The following NRG3 variants were observed in gnomAD, a reference collection of about 807,000 sequenced individuals.
NRG3 encodes pro-neuregulin-3, membrane-bound isoform.
A neutral mutation model predicts 66.9 loss-of-function variants in NRG3; 31 were observed. That is an observed-to-expected ratio of 0.46 (90% CI 0.35 to 0.63). The LOEUF is 0.63. Ranked by LOEUF, NRG3 falls within the 20% of genes least tolerant of loss-of-function variation. The probability of loss-of-function intolerance (pLI) is 0.00; values close to 1 mark genes in which losing one functional copy is unlikely to be tolerated. For missense variants in NRG3, 910 were observed against 878.9 expected, an observed-to-expected ratio of 1.04 and a Z score of -0.45; for synonymous variants, 393 against 359.4, an observed-to-expected ratio of 1.09 and a Z score of -1.06.
At chr10:82,953,416 C>G (rs1475806584) in intron 5 of NRG3, among the ~76,000 whole-genome samples, 3 of 151,996 alleles carry the variant, frequency 2.0e-5, no homozygotes, top group Non-Finnish European at 4.4e-5. Flanking sequence ...AGTCCTTCTG[C>G]TAGATGGTGG....
intron 8 of NRG3, 30 bp downstream of exon 8, chr10:82,979,150 G>A: frequency 1.2e-6 from 2 of 1,608,980 alleles, no homozygotes; most frequent in Non-Finnish European, 1.7e-6. Context: ...TGGAATTTAG[G>A]GAGGGTGTCT....
At chr10:82,339,223 C>T (rs1363500467) in intron 1 of NRG3, among the ~76,000 whole-genome samples, 2 of 152,110 alleles carry the variant, frequency 1.3e-5, no homozygotes, top group Non-Finnish European at 2.9e-5. Context: ...GGGGTTAATG[C>T]TACATTCTTG....
rs563603457 is a variant in NRG3 at position 82,608,392 on chromosome 10, G to A, written c.954-130185G>A. ...GAACTTGATATGCTCCCGTGTAGAC[G>A]TCTGTGTCTTTCTTTATTTTTATCT... is the stretch of plus-strand genomic sequence containing the variant. On this transcript the variant is annotated intron_variant, in intron 2 of 8. Coordinates refer to ENST00000372141, the MANE Select transcript of NRG3 (RefSeq NM_001010848.4). 1.1e-4 allele frequency among the ~76,000 whole-genome samples: 16 copies of A among 152,084 alleles called. No homozygotes were observed. The South Asian group carries it at 1.7e-3, about 16-fold the overall frequency.
At chr10:82,121,811 T>C (rs547627866) in intron 1 of NRG3, among the ~76,000 whole-genome samples, 1 of 151,916 alleles carries the variant, frequency 6.6e-6, no homozygotes, top group Non-Finnish European at 1.5e-5. Flanking sequence ...ATTTTTTAAA[T>C]TTTTTTTATA....
chr10:82,211,371 T>A (rs1186657254), intron 1 of NRG3, among the ~76,000 whole-genome samples: 1 of 152,154 alleles, frequency 6.6e-6, no homozygotes, highest in Non-Finnish European at 1.5e-5. Flanking sequence ...AAGAAACTTC[T>A]GGGCAGGAAA....
intron 4 of NRG3, among the ~76,000 whole-genome samples, chr10:82,886,452 C>T (rs2136094054): frequency 6.6e-6 from 1 of 152,256 alleles, no homozygotes; most frequent in African/African-American, 2.4e-5. Flanking sequence ...TGGATCGATA[C>T]GTTTTGCAGC....
chr10:82,816,210 T>C (rs2061696937), intron 3 of NRG3, among the ~76,000 whole-genome samples: 1 of 152,228 alleles, frequency 6.6e-6, no homozygotes, highest in Non-Finnish European at 1.5e-5. Context: ...TGTTTTTTGT[T>C]ACAGCTCTTC....
chr10:82,655,600 C>T (rs2051778825), intron 2 of NRG3, among the ~76,000 whole-genome samples: 1 of 152,128 alleles, frequency 6.6e-6, no homozygotes, highest in Admixed American at 6.5e-5. Context: ...TTAGTAAAAA[C>T]TGCAAGAAAT....
intron 1 of NRG3, among the ~76,000 whole-genome samples, chr10:81,924,073 C>T (rs549538623): frequency 6.6e-6 from 1 of 152,124 alleles, no homozygotes; most frequent in Non-Finnish European, 1.5e-5. Flanking sequence ...GGACTGACCC[C>T]GGTGGGATTA....
intron 2 of NRG3, among the ~76,000 whole-genome samples, chr10:82,681,680 T>A (rs2054121519): frequency 6.6e-6 from 1 of 152,254 alleles, no homozygotes; most frequent in South Asian, 2.1e-4. Context: ...TTGGTTTCAT[T>A]GCTATTTAAT....
chr10:82,309,611 G>C (rs1024146597), intron 1 of NRG3, among the ~76,000 whole-genome samples: 1 of 152,100 alleles, frequency 6.6e-6, no homozygotes, highest in East Asian at 1.9e-4. Flanking sequence ...GGGAAAAGAG[G>C]GTAGACAGTA....
rs546234867 is a variant in NRG3 at position 82,555,131 on chromosome 10, G to T, written c.954-183446G>T. ...GATATTGTGAGATCTCTAATCTGTTGCTACCACTATTACTCATGAGAACAA... is the reference window on the plus strand; with the variant it reads ...GATATTGTGAGATCTCTAATCTGTTTCTACCACTATTACTCATGAGAACAA... On this transcript the variant is annotated intron_variant, in intron 2 of 8. Transcript: ENST00000372141. 2.6e-4 allele frequency among the ~76,000 whole-genome samples: 40 copies of T among 152,220 alleles called. 2 individuals carry two copies. The South Asian group carries it at 7.5e-3, about 28-fold the overall frequency.
chr10:82,682,334 TATAG>T (rs1049982741), intron 2 of NRG3, among the ~76,000 whole-genome samples: 27 of 152,206 alleles, frequency 1.8e-4, no homozygotes, highest in Admixed American at 5.9e-4. Context: ...TTCACTTAGA[TATAG>T]ATAGATAGAT....
rs1564867581 is a variant in NRG3 at position 82,388,903 on chromosome 10, CCCATA to C, written c.953+30038_953+30042del. On this transcript the variant is annotated intron_variant, in intron 2 of 8. Coordinates refer to ENST00000372141, the MANE Select transcript of NRG3 (RefSeq NM_001010848.4). Reference sequence around the variant, plus strand: ...TAAAATAAATATTTTCGAATTCTATCCCATACCTGCCGAGTCAGTGGGCCTTGGAA... The same window carrying C: ...TAAAATAAATATTTTCGAATTCTATCCCTGCCGAGTCAGTGGGCCTTGGAA... Among the ~76,000 whole-genome samples, 4 of 152,092 alleles carry C rather than the reference CCCATA, an allele frequency of 2.6e-5. No homozygotes were observed. In the South Asian group the frequency reaches 6.2e-4, roughly 24 times the overall value.
intron 4 of NRG3, among the ~76,000 whole-genome samples, chr10:82,877,440 T>G (rs1841929624): frequency 1.4e-5 from 2 of 142,262 alleles, no homozygotes; most frequent in South Asian, 4.5e-4. Flanking sequence ...AGTGCAATGG[T>G]GCAATCTTGG....
At chr10:82,313,861 T>C (rs994947435) in intron 1 of NRG3, among the ~76,000 whole-genome samples, 1 of 152,210 alleles carries the variant, frequency 6.6e-6, no homozygotes, top group Non-Finnish European at 1.5e-5. Context: ...ATGAGTAAGA[T>C]GGAACAGTTC....
intron 3 of NRG3, chr10:82,827,097 A>G (rs1591643473): frequency 1.5e-5 from 5 of 330,374 alleles, no homozygotes; most frequent in Middle Eastern, 1.1e-3. Flanking sequence ...AAAAGCTTGA[A>G]AAATAACTCT....
At chr10:82,502,676 T>G (rs1407054720) in intron 2 of NRG3, among the ~76,000 whole-genome samples, 1 of 152,216 alleles carries the variant, frequency 6.6e-6, no homozygotes, top group East Asian at 1.9e-4. Context: ...CAAATTTCTT[T>G]GTGCCTCAGT....
intron 1 of NRG3, among the ~76,000 whole-genome samples, chr10:82,199,496 A>G (rs1217625242): frequency 1.3e-5 from 2 of 152,224 alleles, no homozygotes; most frequent in African/African-American, 2.4e-5. Context: ...TTATGTGAAT[A>G]TATAAACTGA....
Sources: allele counts gnomAD v4.1 joint callset (sites outside exome capture counted in the v4.1 genomes callset), GRCh38; gene constraint gnomAD v4.1.1; transcripts MANE v1.5; gene names NCBI Gene and HGNC (gene_info 2026-07-23, HGNC 2026-07-21).